The following METTL15 variants were observed in gnomAD, a reference collection of about 807,000 sequenced individuals.
The protein encoded by METTL15 is methyltransferase 15, mitochondrial 12S rRNA N4-cytidine.
Under a neutral mutation model 38.3 loss-of-function variants are expected in METTL15, and 34 were observed. That is an observed-to-expected ratio of 0.89 (90% CI 0.68 to 1.18). The LOEUF is 1.18. Ranked by LOEUF, METTL15 falls within the 50% of genes most tolerant of loss-of-function variation. The pLI, the probability that METTL15 is intolerant of heterozygous loss-of-function variation, is 0.00. For missense variants in METTL15, 438 were observed against 498.4 expected, an observed-to-expected ratio of 0.88 and a Z score of 1.15; for synonymous variants, 162 against 170.9, an observed-to-expected ratio of 0.95 and a Z score of 0.41.
chr11:28,431,041 CCCCT>C (rs1850922240), intron 6 of METTL15, among the ~76,000 whole-genome samples: 2 of 52,050 alleles, frequency 3.8e-5, no homozygotes, highest in African/African-American at 5.2e-5. Flanking sequence ...GGGGGTCAGC[CCCCT>C]GCCCGGCCAG....
intron 3 of METTL15, among the ~76,000 whole-genome samples, chr11:28,204,850 A>C (rs1852258020): frequency 6.6e-6 from 1 of 151,990 alleles, no homozygotes; most frequent in Non-Finnish European, 1.5e-5. Flanking sequence ...TTTCTTTACG[A>C]TTATACAGGT....
At chr11:28,471,442 T>G (rs1300825699) in intron 6 of METTL15, among the ~76,000 whole-genome samples, 1 of 152,148 alleles carries the variant, frequency 6.6e-6, no homozygotes, top group East Asian at 1.9e-4. Flanking sequence ...AAAAGTCCAG[T>G]TCCTTTTTGT....
chr11:28,525,028 G>A (rs956942178), intron 6 of METTL15, among the ~76,000 whole-genome samples: 7 of 152,034 alleles, frequency 4.6e-5, no homozygotes, highest in South Asian at 2.1e-4. Context: ...TTAAGGCAGC[G>A]CGTCTGGAGT....
chr11:28,108,860 A>G (rs1431220580), intron 1 of METTL15, among the ~76,000 whole-genome samples: 1 of 152,184 alleles, frequency 6.6e-6, no homozygotes, highest in East Asian at 1.9e-4. Flanking sequence ...TATAGATATT[A>G]TTTCAGCATA....
At chr11:28,385,867 G>A (rs994501624) in intron 5 of METTL15, among the ~76,000 whole-genome samples, 89 of 152,118 alleles carry the variant, frequency 5.9e-4, no homozygotes, top group African/African-American at 2.0e-3. Flanking sequence ...TTTGGAACCA[G>A]AAGTCTCATA....
chr11:28,376,170 A>G (rs1212606416), intron 5 of METTL15, among the ~76,000 whole-genome samples: 3 of 151,374 alleles, frequency 2.0e-5, no homozygotes, highest in Non-Finnish European at 4.4e-5. Flanking sequence ...AGTTCTGTAG[A>G]TGTCTATTAG....
intron 5 of METTL15, 120 bp downstream of exon 5, chr11:28,290,517 T>C: frequency 2.4e-6 from 2 of 822,126 alleles, no homozygotes; most frequent in Non-Finnish European, 3.9e-6. Flanking sequence ...ACACTACCAA[T>C]ACATAATAAA....
intron 5 of METTL15, among the ~76,000 whole-genome samples, chr11:28,414,211 G>A (rs1850752689): frequency 6.6e-6 from 1 of 152,248 alleles, no homozygotes; most frequent in East Asian, 1.9e-4. Context: ...GTGGTCACCT[G>A]ATGGAACCTG....
intron 3 of METTL15, among the ~76,000 whole-genome samples, chr11:28,168,199 G>A (rs975970694): frequency 7.2e-5 from 11 of 151,786 alleles, no homozygotes; most frequent in African/African-American, 2.4e-4. Context: ...AGGCATGGAT[G>A]TTTTTCTTTT....
chr11:28,311,313 AG>A (rs2134027019), intron 6 of METTL15, among the ~76,000 whole-genome samples: 1 of 152,330 alleles, frequency 6.6e-6, no homozygotes, highest in South Asian at 2.1e-4. Context: ...CAAGTAGTAC[AG>A]GGAGAAATTC....
intron 1 of METTL15, among the ~76,000 whole-genome samples, chr11:28,109,031 A>T (rs1264966329): frequency 6.6e-6 from 1 of 152,228 alleles, no homozygotes; most frequent in African/African-American, 2.4e-5. Flanking sequence ...TTTAGACACA[A>T]TAGTATGCAA....
At chr11:28,194,209 C>CTG (rs960247384) in intron 3 of METTL15, among the ~76,000 whole-genome samples, 6 of 122,292 alleles carry the variant, frequency 4.9e-5, no homozygotes, top group African/African-American at 1.5e-4. Context: ...CTCTCTCTCT[C>CTG]TCTTAATATA....
At chr11:28,457,314 A>G (rs1428806759) in intron 6 of METTL15, among the ~76,000 whole-genome samples, 1 of 152,238 alleles carries the variant, frequency 6.6e-6, no homozygotes, top group East Asian at 1.9e-4. Flanking sequence ...ATCCTCCTAC[A>G]TGAATGCAGC....
At chr11:28,327,231 G>A (rs1849665818) in intron 6 of METTL15, among the ~76,000 whole-genome samples, 1 of 152,160 alleles carries the variant, frequency 6.6e-6, no homozygotes, top group South Asian at 2.1e-4. Flanking sequence ...ACGTCTTCCA[G>A]GAAATCCATC....
intron 5 of METTL15, among the ~76,000 whole-genome samples, chr11:28,387,085 A>G (rs1426531663): frequency 6.6e-6 from 1 of 151,980 alleles, no homozygotes; most frequent in African/African-American, 2.4e-5. Context: ...GGCTATAGTC[A>G]TAAACACTTA....
At chr11:28,438,023 A>T (rs1047910646) in intron 6 of METTL15, among the ~76,000 whole-genome samples, 1 of 152,214 alleles carries the variant, frequency 6.6e-6, no homozygotes, top group Non-Finnish European at 1.5e-5. Flanking sequence ...AAAATGAATC[A>T]TTGAATAGCT....
rs1851309261 is a variant in METTL15, at chr11:28,182,039, G to C, written c.271-29023G>C. 1.3e-5 allele frequency among the ~76,000 whole-genome samples: 2 copies of C among 152,062 alleles called. 1 individual carries two copies. Among genetic ancestry groups the C allele is most frequent in the African/African-American group, 4.8e-5 (2 of 41,382 alleles). On this transcript the variant is annotated intron_variant, in intron 3 of 6. Coordinates refer to ENST00000407364, the MANE Select transcript of METTL15 (RefSeq NM_001113528.2). ...ATGAGCATGTTTTCGTATGTTTGTT[G>C]GCTGCATAAATGTCTTCTCTTGAGA...
At chr11:28,425,701 C>T (rs563907424) in intron 6 of METTL15, among the ~76,000 whole-genome samples, 29 of 152,236 alleles carry the variant, frequency 1.9e-4, no homozygotes, top group Middle Eastern at 6.8e-3. Context: ...TTTAATGCAT[C>T]GTATATGCAT....
chr11:28,408,725 C>T (rs936003626), intron 5 of METTL15, among the ~76,000 whole-genome samples: 18 of 152,010 alleles, frequency 1.2e-4, no homozygotes, highest in Admixed American at 7.9e-4. Flanking sequence ...ATATTGAGAG[C>T]GTCATTTCAA....
Sources: gnomAD v4.1 joint callset for allele counts (sites outside exome capture counted in the v4.1 genomes callset) on GRCh38, gnomAD v4.1.1 for gene constraint, MANE v1.5 for transcripts, NCBI Gene and HGNC (gene_info 2026-07-23, HGNC 2026-07-21) for gene names.